OPCML: variants seen among roughly 807,000 people sequenced by gnomAD.
OPCML encodes opioid-binding protein/cell adhesion molecule.
OPCML carries 13 observed loss-of-function variants against 37.8 expected under a neutral mutation model. The ratio of observed to expected loss-of-function variants is 0.34; its 90% CI spans 0.22 to 0.55. The LOEUF is 0.55. Among genes scored for constraint, OPCML ranks in the 20% least tolerant of loss-of-function variants. The pLI, the probability that OPCML is intolerant of heterozygous loss-of-function variation, is 0.91. For synonymous variants in OPCML, 176 were observed against 168.8 expected (o/e 1.04, Z -0.33); for missense variants, 341 against 435.6 (o/e 0.78, Z 1.93).
chr11:133,284,315 T>A lies in OPCML; in HGVS notation c.61+247949A>T, dbSNP rs531779746. On this transcript the variant is annotated intron_variant, in intron 1 of 7. Coordinates refer to ENST00000524381, the MANE Select transcript of OPCML (RefSeq NM_001012393.5). The stretch of plus-strand genomic sequence containing the variant: ...GGCCCCTCTGGCTGTTGCAAGCTCT[T>A]ACACACAACTCTGTGTCACGAGAAT... 1.4e-4 allele frequency among the ~76,000 whole-genome samples: 22 copies of A among 152,310 alleles called. No individual in the cohort carries two copies. In the South Asian group the frequency reaches 4.1e-3, roughly 29 times the overall value.
At chr11:132,677,041 T>C (rs74588062) in intron 2 of OPCML, among the ~76,000 whole-genome samples, 16,885 of 152,006 alleles carry the variant, frequency 0.11, 1,003 homozygotes, top group South Asian at 0.16. Flanking sequence ...TAATAAGCAA[T>C]TATAGCAAGG....
At chr11:133,472,751 A>G (rs753716160) in intron 1 of OPCML, among the ~76,000 whole-genome samples, 8 of 152,132 alleles carry the variant, frequency 5.3e-5, no homozygotes, top group Non-Finnish European at 1.0e-4. Context: ...CAAATCTTCC[A>G]GTGTTTCTGG....
At chr11:133,091,160 T>C (rs531276548) in intron 1 of OPCML, among the ~76,000 whole-genome samples, 23 of 152,186 alleles carry the variant, frequency 1.5e-4, no homozygotes, top group Non-Finnish European at 2.6e-4. Context: ...CACCACTTGA[T>C]AGGGCACAAG....
chr11:132,708,240 G>A (rs928239288), intron 2 of OPCML, among the ~76,000 whole-genome samples: 1 of 152,188 alleles, frequency 6.6e-6, no homozygotes, highest in Non-Finnish European at 1.5e-5. Flanking sequence ...GTACAGTTAT[G>A]TAACTATAAC....
chr11:133,126,092 C>CAT (rs1004369884), intron 1 of OPCML, among the ~76,000 whole-genome samples: 35 of 135,756 alleles, frequency 2.6e-4, no homozygotes, highest in Admixed American at 7.6e-4. Flanking sequence ...CACACACACA[C>CAT]ACATATATGA....
intron 1 of OPCML, among the ~76,000 whole-genome samples, chr11:133,187,718 T>A (rs1938149115): frequency 6.6e-6 from 1 of 152,058 alleles, no homozygotes; most frequent in Non-Finnish European, 1.5e-5. Flanking sequence ...GTTGAAAGAG[T>A]ATCTCTTTCC....
intron 3 of OPCML, among the ~76,000 whole-genome samples, chr11:132,563,774 T>C (rs2096415879): frequency 6.6e-6 from 1 of 151,060 alleles, no homozygotes; most frequent in Non-Finnish European, 1.5e-5. Context: ...TTGTCCACTT[T>C]TACGTTATTA....
At chr11:133,479,680 C>T (rs370363678) in intron 1 of OPCML, among the ~76,000 whole-genome samples, 5 of 152,166 alleles carry the variant, frequency 3.3e-5, no homozygotes, top group African/African-American at 1.2e-4. Flanking sequence ...GAGTGGGGTC[C>T]TCACCCATTT....
At position 132,598,538 on chromosome 11, in the gene OPCML, C is replaced by T. The variant is rs1275702072; in HGVS notation, c.379+58549G>A. On this transcript the variant is annotated intron_variant, in intron 3 of 7. Transcript: ENST00000524381. ...ATTCTTTTTAACAACAAAAATCTATCATTTTAGTTCTTAGCACTGCTAAGA... is the reference window on the plus strand; with the variant it reads ...ATTCTTTTTAACAACAAAAATCTATTATTTTAGTTCTTAGCACTGCTAAGA... Among the ~76,000 whole-genome samples, 8 of 152,248 alleles carry T rather than the reference C, an allele frequency of 5.3e-5. No individual in the cohort carries two copies. The South Asian group carries it at 1.7e-3, about 32-fold the overall frequency.
intron 4 of OPCML, among the ~76,000 whole-genome samples, chr11:132,471,118 G>A (rs1055843516): frequency 6.6e-6 from 1 of 152,184 alleles, no homozygotes; most frequent in Admixed American, 6.5e-5. Flanking sequence ...GATGAATTTG[G>A]TAACGCATTA....
At chr11:132,805,551 A>G (rs1364772150) in intron 2 of OPCML, among the ~76,000 whole-genome samples, 1 of 152,202 alleles carries the variant, frequency 6.6e-6, no homozygotes, top group African/African-American at 2.4e-5. Context: ...TTGAATAGAG[A>G]CAACAGCAAT....
chr11:132,525,375 AT>A (rs2096305316), intron 4 of OPCML, among the ~76,000 whole-genome samples: 1 of 152,150 alleles, frequency 6.6e-6, no homozygotes, highest in Non-Finnish European at 1.5e-5. Context: ...ATGAAGGCTG[AT>A]TTACTTGTCC....
chr11:133,318,626 C>T lies in OPCML; in HGVS notation c.61+213638G>A, dbSNP rs535069887. ...TCCTTCATAAAATCTGTTTTTACCC[C>T]ATTAACTACTATCCAGCTATGGTTT... is the stretch of plus-strand genomic sequence containing the variant. On this transcript the variant is annotated intron_variant, in intron 1 of 7. Transcript: ENST00000524381. Among the ~76,000 whole-genome samples the T allele has an allele frequency of 4.6e-5, 7 of 152,282 alleles. No individual in the cohort carries two copies. The South Asian group carries it at 1.5e-3, about 32-fold the overall frequency.
At chr11:133,192,208 A>T (rs1592089758) in intron 1 of OPCML, among the ~76,000 whole-genome samples, 1 of 152,182 alleles carries the variant, frequency 6.6e-6, no homozygotes, top group Admixed American at 6.5e-5. Context: ...TTGGTCAGAG[A>T]GTTTTTGATC....
chr11:133,132,107 C>A (rs11607303), intron 1 of OPCML, among the ~76,000 whole-genome samples: 1 of 152,014 alleles, frequency 6.6e-6, no homozygotes, highest in Non-Finnish European at 1.5e-5. Flanking sequence ...AGACAAATAC[C>A]ACTGAAAGTG....
intron 1 of OPCML, among the ~76,000 whole-genome samples, chr11:133,470,484 C>A (rs956145444): frequency 6.6e-6 from 1 of 152,226 alleles, no homozygotes; most frequent in Non-Finnish European, 1.5e-5. Flanking sequence ...ACTCACACAG[C>A]TGGTCCCAGA....
chr11:133,353,075 G>A (rs1375143616), intron 1 of OPCML, among the ~76,000 whole-genome samples: 1 of 152,170 alleles, frequency 6.6e-6, no homozygotes, highest in East Asian at 1.9e-4. Flanking sequence ...TTTTTCAAAG[G>A]TTAAAGGTTT....
chr11:132,607,063 C>G (rs1278409681), intron 3 of OPCML, among the ~76,000 whole-genome samples: 1 of 152,174 alleles, frequency 6.6e-6, no homozygotes, highest in Non-Finnish European at 1.5e-5. Flanking sequence ...TCAATCATAT[C>G]ACTAATTAAG....
intron 1 of OPCML, among the ~76,000 whole-genome samples, chr11:133,397,235 T>A (rs565249559): frequency 6.6e-6 from 1 of 152,336 alleles, no homozygotes; most frequent in South Asian, 2.1e-4. Context: ...ATGGTCTATG[T>A]CTCTTCCTTT....
Sources: gnomAD v4.1 joint callset for allele counts (sites outside exome capture counted in the v4.1 genomes callset) on GRCh38, gnomAD v4.1.1 for gene constraint, MANE v1.5 for transcripts, NCBI Gene and HGNC (gene_info 2026-07-23, HGNC 2026-07-21) for gene names.